Variants in PXT1 observed in about 807,000 individuals in gnomAD.
PXT1 encodes peroxisomal testis enriched protein 1.
In PXT1, 11 loss-of-function variants were observed where a neutral mutation model predicts 11.0. That is an observed-to-expected ratio of 1.00 (90% CI 0.63 to 1.66). PXT1 has a LOEUF of 1.66. PXT1 is among the 40% of genes most tolerant of loss of function. PXT1 has a pLI of 0.00. For missense variants in PXT1, 141 were observed against 155.5 expected, an observed-to-expected ratio of 0.91 and a Z score of 0.49; for synonymous variants, 43 against 51.4, an observed-to-expected ratio of 0.84 and a Z score of 0.70.
intron 2 of PXT1, among the ~76,000 whole-genome samples, chr6:36,428,037 G>A (rs966508701): frequency 2.0e-5 from 3 of 152,152 alleles, no homozygotes; most frequent in Non-Finnish European, 4.4e-5. Flanking sequence ...GGGCAGCCTG[G>A]CATTTTAACT....
chr6:36,423,856 C>T (rs922023380), intron 3 of PXT1, among the ~76,000 whole-genome samples: 1 of 152,188 alleles, frequency 6.6e-6, no homozygotes, highest in Non-Finnish European at 1.5e-5. Context: ...GCCCACCAGA[C>T]TACCAGTCAC....
intron 3 of PXT1, among the ~76,000 whole-genome samples, chr6:36,419,280 A>G (rs1418171934): frequency 6.6e-6 from 1 of 152,228 alleles, no homozygotes; most frequent in Admixed American, 6.5e-5. Context: ...ATTTGTAACT[A>G]TTAGTTTAAC....
At chr6:36,403,921 A>C (rs1438703622) in intron 3 of PXT1, among the ~76,000 whole-genome samples, 1 of 152,210 alleles carries the variant, frequency 6.6e-6, no homozygotes, top group Non-Finnish European at 1.5e-5. Flanking sequence ...CAGCATTTGG[A>C]TAACATTTGA....
At chr6:36,431,426 C>G (rs1774689931) in intron 2 of PXT1, among the ~76,000 whole-genome samples, 1 of 152,132 alleles carries the variant, frequency 6.6e-6, no homozygotes, top group Non-Finnish European at 1.5e-5. Flanking sequence ...TGCAGAGCTA[C>G]AGTCTAGCAG....
chr6:36,391,759 T>C lies in PXT1; in HGVS notation c.*11A>G. On this transcript the variant is annotated 3_prime_UTR_variant, in exon 5 of 5. Transcript: ENST00000454782. The stretch of plus-strand genomic sequence containing the variant: ...AAAACAGAACTTGACCACTTGACCT[T>C]TACTTTCCTTTTACAGCAAATGGTT... The C allele has an allele frequency of 6.3e-7, 1 of 1,581,874 alleles. No homozygotes were observed. Among genetic ancestry groups the C allele is most frequent in the Middle Eastern group, 1.7e-4 (1 of 5,994 alleles).
intron 1 of PXT1, among the ~76,000 whole-genome samples, chr6:36,440,385 A>C (rs1007237177): frequency 6.6e-6 from 1 of 152,270 alleles, no homozygotes; most frequent in Middle Eastern, 3.4e-3. Context: ...CTTGGCTAAC[A>C]TGGTGAAACC....
At position 36,420,599 on chromosome 6, in the gene PXT1, A is replaced by G. The variant is rs183159344; in HGVS notation, c.169+5315T>C. 2.0e-5 allele frequency among the ~76,000 whole-genome samples: 3 copies of G among 152,330 alleles called. No individual in the cohort carries two copies. In the East Asian group the frequency reaches 5.8e-4, roughly 29 times the overall value. The stretch of plus-strand genomic sequence containing the variant: ...TGAGCAGATGGGGGACAAGAATGAA[A>G]GAGAGAGTCTTCACTGTATGCCTTT... On this transcript the variant is annotated intron_variant, in intron 3 of 4. Transcript: ENST00000454782.
At chr6:36,429,508 CT>C (rs112777415) in intron 2 of PXT1, among the ~76,000 whole-genome samples, 39 of 108,170 alleles carry the variant, frequency 3.6e-4, no homozygotes, top group Non-Finnish European at 5.0e-4. Flanking sequence ...TTTTTCTTTT[CT>C]TTTTTTTTTT....
intron 3 of PXT1, among the ~76,000 whole-genome samples, chr6:36,411,643 AC>A (rs1774377064): frequency 6.6e-6 from 1 of 152,044 alleles, no homozygotes; most frequent in African/African-American, 2.4e-5. Flanking sequence ...TGTATCTTTC[AC>A]TAAAATAACA....
intron 4 of PXT1, among the ~76,000 whole-genome samples, chr6:36,397,466 GC>G (rs2127409867): frequency 6.6e-6 from 1 of 152,018 alleles, no homozygotes; most frequent in East Asian, 1.9e-4. Flanking sequence ...CAACCCATAT[GC>G]AAAAAAATGA....
chr6:36,414,848 A>G (rs1235217704), intron 3 of PXT1, among the ~76,000 whole-genome samples: 1 of 152,216 alleles, frequency 6.6e-6, no homozygotes, highest in Non-Finnish European at 1.5e-5. Flanking sequence ...CTCAAACTCA[A>G]AGTGACCTCT....
intron 3 of PXT1, among the ~76,000 whole-genome samples, chr6:36,401,515 G>A (rs1249912546): frequency 6.6e-6 from 1 of 151,554 alleles, no homozygotes; most frequent in Non-Finnish European, 1.5e-5. Flanking sequence ...CTCGACTGAA[G>A]CTGACATGGG....
chr6:36,423,860 C>T, intron 3 of PXT1, among the ~76,000 whole-genome samples: 1 of 152,190 alleles, frequency 6.6e-6, no homozygotes, highest in East Asian at 1.9e-4. Flanking sequence ...ACCAGACTAC[C>T]AGTCACTAAT....
At chr6:36,434,819 A>G (rs1171419155) in intron 2 of PXT1, among the ~76,000 whole-genome samples, 1 of 152,232 alleles carries the variant, frequency 6.6e-6, no homozygotes, top group East Asian at 1.9e-4. Context: ...GTCTTTAGTT[A>G]AGTGGCAAAA....
At chr6:36,397,405 G>A (rs149310313) in intron 4 of PXT1, among the ~76,000 whole-genome samples, 382 of 152,170 alleles carry the variant, frequency 2.5e-3, no homozygotes, top group African/African-American at 8.5e-3. Flanking sequence ...ACAAGACCCC[G>A]TCTCAAAGAA....
At chr6:36,426,357 T>C (rs968184461) in intron 2 of PXT1, among the ~76,000 whole-genome samples, 3 of 41,224 alleles carry the variant, frequency 7.3e-5, no homozygotes, top group Non-Finnish European at 7.5e-5. Flanking sequence ...CTCTCTCGCT[T>C]TTTTTTTTTT....
intron 1 of PXT1, among the ~76,000 whole-genome samples, chr6:36,439,187 G>C (rs1774818372): frequency 6.6e-6 from 1 of 151,572 alleles, no homozygotes; most frequent in Admixed American, 6.6e-5. Context: ...TAGTAGAGAC[G>C]GGGTTTCACC....
In PXT1 at chr6:36,418,762, T is replaced by G. The variant is rs149963480; in HGVS notation, c.169+7152A>C. 6.5e-3 allele frequency among the ~76,000 whole-genome samples: 989 copies of G among 152,286 alleles called. 20 individuals are homozygous for G. Among genetic ancestry groups the G allele is most frequent in the African/African-American group, 0.022 (925 of 41,566 alleles). On this transcript the variant is annotated intron_variant, in intron 3 of 4. Transcript: ENST00000454782. ...TAAAGGGAAGAGTGCCTGAGGGCAC[T>G]GGAGAGTACCGACTCACTTCCACCG... is the stretch of plus-strand genomic sequence containing the variant.
chr6:36,417,892 G>GGAGGCTTAAAAAGTAAT lies in PXT1; in HGVS notation c.169+8005_169+8021dup, dbSNP rs1185886465. On this transcript the variant is annotated intron_variant, in intron 3 of 4. Transcript: ENST00000454782. ...TCTGGCTGCACAAGACAATCAGCTTGGAGGCTTAAAAAGTAATTTTGTGGG... is the reference window on the plus strand; with the variant it reads ...TCTGGCTGCACAAGACAATCAGCTTGGAGGCTTAAAAAGTAATGAGGCTTAAAAAGTAATTTTGTGGG... Among the ~76,000 whole-genome samples, 3 of 152,076 alleles carry GGAGGCTTAAAAAGTAAT rather than the reference G, an allele frequency of 2.0e-5. No individual in the cohort carries two copies. In the East Asian group the frequency reaches 5.8e-4, roughly 29 times the overall value.
Sources: gnomAD v4.1 joint callset for allele counts (sites outside exome capture counted in the v4.1 genomes callset) on GRCh38, gnomAD v4.1.1 for gene constraint, MANE v1.5 for transcripts, NCBI Gene and HGNC (gene_info 2026-07-23, HGNC 2026-07-21) for gene names.